Variants in IL1RAP observed in about 807,000 individuals in gnomAD.
IL1RAP encodes the protein interleukin 1 receptor accessory protein, also known as interleukin-1 receptor accessory protein.
A neutral mutation model predicts 60.7 loss-of-function variants in IL1RAP; 35 were observed. The observed-to-expected ratio is 0.58, with a 90% CI of 0.44 to 0.76. The LOEUF (loss-of-function observed/expected upper bound fraction) is 0.76, where lower values mean the gene tolerates loss of function less well. Ranked by LOEUF, IL1RAP falls within the 30% of genes least tolerant of loss-of-function variation. The pLI is 0.00. For missense variants in IL1RAP, 572 were observed against 693.9 expected (o/e 0.82, Z 1.97); for synonymous variants, 268 against 250.9 (o/e 1.07, Z -0.64).
chr3:190,601,017 C>T (rs560595788), intron 3 of IL1RAP, among the ~76,000 whole-genome samples: 1 of 152,138 alleles, frequency 6.6e-6, no homozygotes, highest in Non-Finnish European at 1.5e-5. Context: ...CAGAGTCTTG[C>T]TCTCTCACCC....
chr3:190,593,890 A>G (rs1327665717), intron 3 of IL1RAP, among the ~76,000 whole-genome samples: 1 of 152,238 alleles, frequency 6.6e-6, no homozygotes, highest in African/African-American at 2.4e-5. Context: ...AACCAGTGGT[A>G]TATTATAGGA....
At chr3:190,599,276 C>T (rs1385123623) in intron 3 of IL1RAP, among the ~76,000 whole-genome samples, 1 of 152,070 alleles carries the variant, frequency 6.6e-6, no homozygotes, top group Non-Finnish European at 1.5e-5. Context: ...GCACACATCC[C>T]CCGAAGCTCC....
intron 3 of IL1RAP, among the ~76,000 whole-genome samples, chr3:190,571,081 C>T (rs1726881704): frequency 6.6e-6 from 1 of 151,334 alleles, no homozygotes. Context: ...CGTGTAGATA[C>T]TCAAGAGGAA....
chr3:190,528,846 G>A (rs1292773523), intron 1 of IL1RAP, among the ~76,000 whole-genome samples: 1 of 152,250 alleles, frequency 6.6e-6, no homozygotes, highest in Non-Finnish European at 1.5e-5. Flanking sequence ...GTTGGACAGA[G>A]AGAGATTGGT....
intron 5 of IL1RAP, among the ~76,000 whole-genome samples, chr3:190,619,058 G>A (rs1441397485): frequency 1.3e-5 from 2 of 152,180 alleles, no homozygotes; most frequent in African/African-American, 4.8e-5. Context: ...TAGACTCCCA[G>A]AAATTTAAAG....
chr3:190,596,189 A>T (rs1729365066), intron 3 of IL1RAP, among the ~76,000 whole-genome samples: 1 of 152,202 alleles, frequency 6.6e-6, no homozygotes. Flanking sequence ...TTATACTTAT[A>T]TGTCTGTCTA....
At chr3:190,570,688 C>T (rs1726839089) in intron 3 of IL1RAP, among the ~76,000 whole-genome samples, 2 of 152,160 alleles carry the variant, frequency 1.3e-5, no homozygotes, top group African/African-American at 4.8e-5. Context: ...GCCTCAGCCT[C>T]CCTAGTAGCT....
chr3:190,565,174 A>G (rs564648704), intron 3 of IL1RAP, among the ~76,000 whole-genome samples: 5 of 152,038 alleles, frequency 3.3e-5, no homozygotes, highest in African/African-American at 1.2e-4. Context: ...CTGAAAAAAA[A>G]AAAAGAAACA....
chr3:190,523,166 T>C (rs1722232157), intron 1 of IL1RAP, among the ~76,000 whole-genome samples: 1 of 152,144 alleles, frequency 6.6e-6, no homozygotes, highest in Non-Finnish European at 1.5e-5. Flanking sequence ...TTGCTTAAAG[T>C]CTTTTTCAAT....
intron 1 of IL1RAP, among the ~76,000 whole-genome samples, chr3:190,516,476 T>A (rs1721529442): frequency 6.6e-6 from 1 of 152,226 alleles, no homozygotes; most frequent in South Asian, 2.1e-4. Flanking sequence ...TCATACAGAT[T>A]ATTACTTGTT....
At chr3:190,537,500 T>G (rs952652901) in intron 1 of IL1RAP, among the ~76,000 whole-genome samples, 1 of 152,178 alleles carries the variant, frequency 6.6e-6, no homozygotes, top group Non-Finnish European at 1.5e-5. Context: ...ACTAAGCCAC[T>G]GCTTAATTTT....
intron 4 of IL1RAP, among the ~76,000 whole-genome samples, chr3:190,608,735 A>C (rs748215248): frequency 6.6e-6 from 1 of 152,202 alleles, no homozygotes. Flanking sequence ...ATTTATATAC[A>C]CTGACAAACA....
At chr3:190,612,850 C>T (rs917234247) in intron 5 of IL1RAP, among the ~76,000 whole-genome samples, 4 of 152,104 alleles carry the variant, frequency 2.6e-5, no homozygotes, top group Non-Finnish European at 4.4e-5. Context: ...TTGACTTAAC[C>T]ATATTTTTGA....
intron 9 of IL1RAP, among the ~76,000 whole-genome samples, chr3:190,630,508 A>C (rs1732693425): frequency 6.6e-6 from 1 of 152,198 alleles, no homozygotes; most frequent in Non-Finnish European, 1.5e-5. Context: ...CATTTTACAG[A>C]GACTTAATGC....
intron 1 of IL1RAP, among the ~76,000 whole-genome samples, chr3:190,555,007 C>T (rs946698826): frequency 6.6e-6 from 1 of 152,070 alleles, no homozygotes; most frequent in Non-Finnish European, 1.5e-5. Context: ...GTAGAAAATG[C>T]CTTTCTCTCG....
intron 3 of IL1RAP, among the ~76,000 whole-genome samples, chr3:190,575,805 T>C (rs976317049): frequency 6.6e-6 from 1 of 152,228 alleles, no homozygotes; most frequent in Non-Finnish European, 1.5e-5. Flanking sequence ...AGATTTCTGT[T>C]TTTCCCAGTA....
chr3:190,525,298 G>A (rs1427777834), intron 1 of IL1RAP, among the ~76,000 whole-genome samples: 1 of 152,170 alleles, frequency 6.6e-6, no homozygotes, highest in Non-Finnish European at 1.5e-5. Flanking sequence ...AGTGATCTCC[G>A]AGAAACTGAC....
intron 7 of IL1RAP, 93 bp from the exon 8 acceptor site, chr3:190,627,230 C>A: frequency 9.1e-7 from 1 of 1,093,510 alleles, no homozygotes; most frequent in Non-Finnish European, 1.3e-6. Context: ...AGGATAAACA[C>A]TAATGGGCTA....
chr3:190,603,780 T>C (rs1405442969), intron 3 of IL1RAP, among the ~76,000 whole-genome samples: 1 of 152,160 alleles, frequency 6.6e-6, no homozygotes, highest in Non-Finnish European at 1.5e-5. Context: ...ATTGTCTTTT[T>C]CAGTTACAAT....
Sources: gnomAD v4.1 joint callset for allele counts (sites outside exome capture counted in the v4.1 genomes callset) on GRCh38, gnomAD v4.1.1 for gene constraint, MANE v1.5 for transcripts, NCBI Gene and HGNC (gene_info 2026-07-23, HGNC 2026-07-21) for gene names.